ZMIZ1: variants seen among roughly 807,000 people sequenced by gnomAD.
The protein encoded by ZMIZ1 is zinc finger MIZ-type containing 1.
In ZMIZ1, 17 loss-of-function variants were observed where a neutral mutation model predicts 113.9. The observed-to-expected ratio is 0.15, with a 90% CI of 0.10 to 0.22. The LOEUF (loss-of-function observed/expected upper bound fraction) is 0.22, where lower values mean the gene tolerates loss of function less well. ZMIZ1 is among the 10% of genes least tolerant of loss of function. The pLI is 1.00. For missense variants in ZMIZ1, 1,059 were observed against 1,477.8 expected (o/e 0.72, Z 4.65); for synonymous variants, 607 against 603.1 (o/e 1.01, Z -0.09).
chr10:79,072,225 G>C (rs974584914), intron 1 of ZMIZ1, among the ~76,000 whole-genome samples: 7 of 152,202 alleles, frequency 4.6e-5, no homozygotes, highest in Admixed American at 4.6e-4. Context: ...GAAAGGTCCA[G>C]AGACTGCGGG....
At chr10:79,252,735 A>G (rs1850630141) in intron 7 of ZMIZ1, among the ~76,000 whole-genome samples, 1 of 152,144 alleles carries the variant, frequency 6.6e-6, no homozygotes, top group Admixed American at 6.5e-5. Context: ...GTGTGCAGGC[A>G]TCTGCTGGGG....
At chr10:79,222,520 A>G (rs752572146) in intron 7 of ZMIZ1, among the ~76,000 whole-genome samples, 3 of 152,134 alleles carry the variant, frequency 2.0e-5, no homozygotes, top group Non-Finnish European at 4.4e-5. Context: ...TTGTCCACAA[A>G]CATCTCCTCA....
intron 7 of ZMIZ1, among the ~76,000 whole-genome samples, chr10:79,242,418 T>C (rs929022632): frequency 6.6e-6 from 1 of 151,956 alleles, no homozygotes; most frequent in African/African-American, 2.4e-5. Flanking sequence ...GCTCGGGGAA[T>C]CCCGGGGGTG....
At chr10:79,219,159 G>T (rs191226268) in intron 7 of ZMIZ1, among the ~76,000 whole-genome samples, 2 of 152,112 alleles carry the variant, frequency 1.3e-5, no homozygotes, top group African/African-American at 2.4e-5. Flanking sequence ...GAGACAGAGG[G>T]ATATTTAAGA....
intron 6 of ZMIZ1, among the ~76,000 whole-genome samples, chr10:79,213,687 C>T (rs1361293372): frequency 6.6e-6 from 1 of 152,216 alleles, no homozygotes; most frequent in Non-Finnish European, 1.5e-5. Context: ...GTCCTCAGTG[C>T]AGGTTGGAAG....
chr10:79,201,556 A>G, intron 4 of ZMIZ1, 28 bp from the exon 5 acceptor site: 1 of 1,553,740 alleles, frequency 6.4e-7, no homozygotes, highest in South Asian at 1.1e-5. Flanking sequence ...GGCGTGATCC[A>G]GTGACAACCT....
At chr10:79,134,475 A>G (rs1271398887) in intron 2 of ZMIZ1, among the ~76,000 whole-genome samples, 1 of 152,210 alleles carries the variant, frequency 6.6e-6, no homozygotes, top group East Asian at 1.9e-4. Context: ...ACTCATGCAG[A>G]GGAAAGGAGC....
At chr10:79,263,859 C>G (rs1336317774) in intron 7 of ZMIZ1, among the ~76,000 whole-genome samples, 1 of 152,150 alleles carries the variant, frequency 6.6e-6, no homozygotes, top group East Asian at 1.9e-4. Flanking sequence ...AAGGCCCAGC[C>G]TCACTCCAAC....
Position 79,189,543 on chromosome 10 carries a change from G to A in ZMIZ1, c.-49-12041G>A, listed in dbSNP as rs150889124. 2.3e-3 allele frequency among the ~76,000 whole-genome samples: 355 copies of A among 152,304 alleles called. 2 individuals carry two copies. The highest frequency in any genetic ancestry group is 3.5e-3 in the Non-Finnish European group (238 of 68,028). On this transcript the variant is annotated intron_variant, in intron 4 of 24. Coordinates refer to ENST00000334512, the MANE Select transcript of ZMIZ1 (RefSeq NM_020338.4). ...ATTATTTATAGATGAGGGACCTGAG[G>A]CATACTGAGGCTAGCATTGTGCCCC...
chr10:79,174,097 T>G (rs1846714545), intron 4 of ZMIZ1, among the ~76,000 whole-genome samples: 1 of 152,198 alleles, frequency 6.6e-6, no homozygotes, highest in African/African-American at 2.4e-5. Context: ...GAGGGTGAGG[T>G]GCATCGTGGG....
chr10:79,184,999 C>G (rs1847291934), intron 4 of ZMIZ1, among the ~76,000 whole-genome samples: 1 of 152,224 alleles, frequency 6.6e-6, no homozygotes, highest in Admixed American at 6.5e-5. Flanking sequence ...CAAGTGCAGG[C>G]AGGAGAGACG....
chr10:79,143,662 A>G (rs1437456026), intron 3 of ZMIZ1, among the ~76,000 whole-genome samples: 1 of 152,190 alleles, frequency 6.6e-6, no homozygotes, highest in East Asian at 1.9e-4. Flanking sequence ...ACCTTCCAGC[A>G]TAACAGTGAG....
At chr10:79,137,001 G>A (rs1845038195) in intron 2 of ZMIZ1, among the ~76,000 whole-genome samples, 1 of 152,142 alleles carries the variant, frequency 6.6e-6, no homozygotes, top group African/African-American at 2.4e-5. Context: ...CATGAGAAAG[G>A]GGCATGGATT....
intron 7 of ZMIZ1, among the ~76,000 whole-genome samples, chr10:79,229,474 C>T (rs1849312067): frequency 1.3e-5 from 2 of 152,144 alleles, no homozygotes; most frequent in Admixed American, 1.3e-4. Context: ...GGCTGGACTC[C>T]TGTAGGGAAT....
intron 4 of ZMIZ1, among the ~76,000 whole-genome samples, chr10:79,174,791 G>T (rs1444799163): frequency 6.6e-6 from 1 of 152,246 alleles, no homozygotes; most frequent in East Asian, 1.9e-4. Flanking sequence ...AACTCTGGAT[G>T]CCAGAGGCTG....
chr10:79,232,268 A>C (rs1849424947), intron 7 of ZMIZ1, among the ~76,000 whole-genome samples: 1 of 152,146 alleles, frequency 6.6e-6, no homozygotes, highest in African/African-American at 2.4e-5. Context: ...CCAATGACTG[A>C]GACAGAATAG....
At chr10:79,243,278 C>A (rs1265407288) in intron 7 of ZMIZ1, among the ~76,000 whole-genome samples, 1 of 150,290 alleles carries the variant, frequency 6.7e-6, no homozygotes, top group Non-Finnish European at 1.5e-5. Flanking sequence ...CCGCCCCCCG[C>A]GCGCCCCCGG....
chr10:79,218,115 CT>C (rs1461588888), intron 7 of ZMIZ1, among the ~76,000 whole-genome samples: 2 of 152,154 alleles, frequency 1.3e-5, no homozygotes, highest in African/African-American at 4.8e-5. Flanking sequence ...TTTGGGGGCT[CT>C]GTGAAAGCTG....
At chr10:79,307,907 C>CTTA (rs1854839853) in intron 23 of ZMIZ1, among the ~76,000 whole-genome samples, 1 of 152,176 alleles carries the variant, frequency 6.6e-6, no homozygotes, top group Admixed American at 6.5e-5. Flanking sequence ...CTTGCACAAT[C>CTTA]TTACACTCAC....
Sources: gnomAD v4.1 joint callset for allele counts (sites outside exome capture counted in the v4.1 genomes callset) on GRCh38, gnomAD v4.1.1 for gene constraint, MANE v1.5 for transcripts, NCBI Gene and HGNC (gene_info 2026-07-23, HGNC 2026-07-21) for gene names.